Variants in ZMIZ1 observed in about 807,000 individuals in gnomAD.
The protein encoded by ZMIZ1 is zinc finger MIZ-type containing 1.
ZMIZ1 carries 17 observed loss-of-function variants against 113.9 expected under a neutral mutation model. That is an observed-to-expected ratio of 0.15 (90% CI 0.10 to 0.22). The LOEUF is 0.22. Among genes scored for constraint, ZMIZ1 ranks in the 10% least tolerant of loss-of-function variants. ZMIZ1 has a pLI of 1.00. For synonymous variants in ZMIZ1, 607 were observed against 603.1 expected (o/e 1.01, Z -0.09); for missense variants, 1,059 against 1,477.8 (o/e 0.72, Z 4.65).
chr10:79,072,870 C>A (rs1453700018), intron 1 of ZMIZ1, among the ~76,000 whole-genome samples: 1 of 152,254 alleles, frequency 6.6e-6, no homozygotes. Context: ...GACCTCTTAG[C>A]AGGATATAGT....
chr10:79,200,752 T>G (rs559558724), intron 4 of ZMIZ1, among the ~76,000 whole-genome samples: 17 of 152,304 alleles, frequency 1.1e-4, no homozygotes, highest in Admixed American at 2.6e-4. Flanking sequence ...AACAGAGTTG[T>G]GAGTGGTTTG....
rs1239191389 is a variant in ZMIZ1, at chr10:79,101,126, A to G, written c.-336-17789A>G. 2.0e-5 allele frequency among the ~76,000 whole-genome samples: 3 copies of G among 152,150 alleles called. No homozygotes were observed. The East Asian group carries it at 5.8e-4, about 29-fold the overall frequency. On this transcript the variant is annotated intron_variant, in intron 1 of 24. Coordinates refer to ENST00000334512, the MANE Select transcript of ZMIZ1 (RefSeq NM_020338.4). The stretch of plus-strand genomic sequence containing the variant: ...CTGCAGCAAGGAGAGAGGAGGACCA[A>G]GCTCTCCCCTTGATGAGTAATTCAG...
At chr10:79,227,161 T>A (rs984423070) in intron 7 of ZMIZ1, among the ~76,000 whole-genome samples, 2 of 152,200 alleles carry the variant, frequency 1.3e-5, no homozygotes, top group Non-Finnish European at 1.5e-5. Flanking sequence ...ATGAACAGGT[T>A]AAAATGAAGT....
At chr10:79,211,457 A>G (rs1848525442) in intron 6 of ZMIZ1, among the ~76,000 whole-genome samples, 1 of 152,100 alleles carries the variant, frequency 6.6e-6, no homozygotes, top group Non-Finnish European at 1.5e-5. Flanking sequence ...CACCCTCCCT[A>G]TCCAGGTGTC....
intron 13 of ZMIZ1, chr10:79,297,008 G>A: frequency 5.0e-6 from 1 of 199,906 alleles, no homozygotes; most frequent in Non-Finnish European, 1.0e-5. Context: ...GCACTAACAT[G>A]TTATAAAATT....
chr10:79,314,368 T>A lies in ZMIZ1; in HGVS notation c.*1619T>A, dbSNP rs1782652. The A allele has an allele frequency of 0.46, 188,541 of 408,594 alleles. 46,102 individuals carry two copies. The highest frequency in any genetic ancestry group is 0.67 in the African/African-American group (32,872 of 49,054). The allele number at this position is 408,594 out of a possible 1,614,324, so 25.3% of individuals were successfully genotyped here. A position where few individuals can be genotyped will look rare whatever the true frequency, so the allele number is the denominator to read the frequency against. ...CCGTCCGCTGTGGGTGGTCCCCAGC[T>A]CTCCTCTGTGGGTTTTACCGGAAAG... On this transcript the variant is annotated 3_prime_UTR_variant, in exon 25 of 25. Coordinates refer to ENST00000334512, the MANE Select transcript of ZMIZ1 (RefSeq NM_020338.4).
chr10:79,298,302 G>T, intron 14 of ZMIZ1, 104 bp from the exon 15 acceptor site: 3 of 1,297,744 alleles, frequency 2.3e-6, no homozygotes, highest in Non-Finnish European at 1.1e-6. Context: ...CTCCCGAGGG[G>T]CATGGCTCCA....
At position 79,298,502 on chromosome 10, in the gene ZMIZ1, C is replaced by G; in HGVS notation, c.1588C>G (p.Leu530Val). The G allele has an allele frequency of 1.2e-6, 2 of 1,605,598 alleles. No homozygotes were observed. Among genetic ancestry groups the G allele is most frequent in the Non-Finnish European group, 1.7e-6 (2 of 1,176,348 alleles). The stretch of plus-strand genomic sequence containing the variant: ...CCCTGGGAGCAGCATCCCTCCATAC[C>G]TGTCCCCCAGCCAAGACGTCAAACC... ...MTPGSSIPPYLSPSQDVKPPF... is the reference protein window; with the variant it reads ...MTPGSSIPPYVSPSQDVKPPF... The change falls in exon 15 of 25, where the codon CTG becomes GTG. Residue 530 changes from leucine to valine, a missense_variant. Coordinates refer to ENST00000334512, the MANE Select transcript of ZMIZ1 (RefSeq NM_020338.4).
At chr10:79,107,622 G>A (rs1463307481) in intron 1 of ZMIZ1, among the ~76,000 whole-genome samples, 9 of 152,290 alleles carry the variant, frequency 5.9e-5, no homozygotes, top group South Asian at 4.1e-4. Context: ...AGGAGGGACC[G>A]TCTCCATTGC....
intron 4 of ZMIZ1, among the ~76,000 whole-genome samples, chr10:79,179,297 G>C (rs746795393): frequency 6.6e-6 from 1 of 152,216 alleles, no homozygotes. Flanking sequence ...CAGGGGCTCT[G>C]TCTGGGTTCT....
At chr10:79,070,747 G>T (rs1008886658) in intron 1 of ZMIZ1, among the ~76,000 whole-genome samples, 129 of 152,000 alleles carry the variant, frequency 8.5e-4, no homozygotes, top group African/African-American at 3.0e-3. Flanking sequence ...CTGCTTCGGT[G>T]CCCGGAGCCC....
chr10:79,119,579 C>T (rs948717611), intron 2 of ZMIZ1, among the ~76,000 whole-genome samples: 27 of 152,218 alleles, frequency 1.8e-4, no homozygotes, highest in Admixed American at 5.9e-4. Context: ...GTGCGCCAGC[C>T]ACTGCCCGCT....
At position 79,315,866 on chromosome 10, in the gene ZMIZ1, AAAAG is replaced by A. The variant is rs1462798377; in HGVS notation, c.*3118_*3121del. The A allele has an allele frequency of 1.3e-5, 2 of 152,794 alleles. No individual in the cohort carries two copies. The highest frequency in any genetic ancestry group is 2.4e-5 in the African/African-American group (1 of 41,456). 9.5% of individuals were successfully genotyped at this position (152,794 alleles called of 1,614,324 possible). ...TTGCGAAACAAAACAAAACAAAAAA[AAAAG>A]CTTGGAACTCCATCACGTGGAAAAA... On this transcript the variant is annotated 3_prime_UTR_variant, in exon 25 of 25. Coordinates refer to ENST00000334512, the MANE Select transcript of ZMIZ1 (RefSeq NM_020338.4).
chr10:79,226,124 C>CG (rs1442654856), intron 7 of ZMIZ1, among the ~76,000 whole-genome samples: 1 of 152,146 alleles, frequency 6.6e-6, no homozygotes. Flanking sequence ...TGGCAGTAAC[C>CG]GTGCAGGGCC....
At chr10:79,187,835 C>T (rs1564706949) in intron 4 of ZMIZ1, among the ~76,000 whole-genome samples, 1 of 152,138 alleles carries the variant, frequency 6.6e-6, no homozygotes, top group Non-Finnish European at 1.5e-5. Flanking sequence ...TCTGGGCAGC[C>T]GGAACCCGCG....
At chr10:79,171,871 G>C (rs906502484) in intron 4 of ZMIZ1, among the ~76,000 whole-genome samples, 6 of 152,198 alleles carry the variant, frequency 3.9e-5, no homozygotes, top group African/African-American at 1.4e-4. Flanking sequence ...GGAAGGCCCA[G>C]CAAGGACGGA....
chr10:79,240,104 A>G (rs945948744), intron 7 of ZMIZ1, among the ~76,000 whole-genome samples: 1 of 152,180 alleles, frequency 6.6e-6, no homozygotes, highest in Non-Finnish European at 1.5e-5. Flanking sequence ...GCCACCCGCT[A>G]TTGATCCTCG....
intron 18 of ZMIZ1, among the ~76,000 whole-genome samples, chr10:79,302,861 G>T (rs1271801458): frequency 3.4e-5 from 4 of 115,998 alleles, no homozygotes; most frequent in African/African-American, 6.6e-5. Flanking sequence ...GCCCAGCTAA[G>T]TTTTTTTTTT....
Position 79,296,986 on chromosome 10 carries a change from A to G in ZMIZ1, c.1413+333A>G, listed in dbSNP as rs549573846. The G allele has an allele frequency of 1.1e-4, 26 of 227,326 alleles. No individual in the cohort carries two copies. Among genetic ancestry groups the G allele is most frequent in the African/African-American group, 5.7e-4 (25 of 44,122 alleles). 14.1% of individuals were successfully genotyped at this position (227,326 alleles called of 1,614,324 possible). The stretch of plus-strand genomic sequence containing the variant: ...ATTAACATTTCATTCTAAACTTTGT[A>G]TGTGCAGGTGGGCACTAACATGTTA... On this transcript the variant is annotated intron_variant, in intron 13 of 24. Coordinates refer to ENST00000334512, the MANE Select transcript of ZMIZ1 (RefSeq NM_020338.4). This position sits in a 1 kb window ranked among gnomAD's most constrained non-coding sequence, Gnocchi z 4.1.
Sources: allele counts gnomAD v4.1 joint callset (sites outside exome capture counted in the v4.1 genomes callset), GRCh38; gene constraint gnomAD v4.1.1; non-coding constraint Gnocchi (gnomAD v3.1); transcripts MANE v1.5; gene names NCBI Gene and HGNC (gene_info 2026-07-23, HGNC 2026-07-21).